Variants in MAST2 observed in about 807,000 individuals in gnomAD.
The protein encoded by MAST2 is microtubule associated serine/threonine kinase 2.
In MAST2, 70 loss-of-function variants were observed where a neutral mutation model predicts 147.4. The ratio of observed to expected loss-of-function variants is 0.47; its 90% CI spans 0.39 to 0.58. The LOEUF is 0.58. Among genes scored for constraint, MAST2 ranks in the 20% least tolerant of loss-of-function variants. MAST2 has a pLI of 0.00. For missense variants in MAST2, 2,080 were observed against 2,302.3 expected, an observed-to-expected ratio of 0.90 and a Z score of 1.98; for synonymous variants, 869 against 896.8, an observed-to-expected ratio of 0.97 and a Z score of 0.55.
intron 10 of MAST2, among the ~76,000 whole-genome samples, chr1:46,018,074 G>A (rs1415254700): frequency 1.3e-5 from 2 of 148,340 alleles, no homozygotes; most frequent in Admixed American, 6.7e-5. Flanking sequence ...TCTCGGTGGA[G>A]CACAGTGAAT....
At chr1:46,034,407 T>A in intron 28 of MAST2, 131 bp from the exon 29 acceptor site, 1 of 1,326,560 alleles carries the variant, frequency 7.5e-7, no homozygotes, top group Non-Finnish European at 1.0e-6. Context: ...GGGGAGGAAT[T>A]AATTGATGGG....
At chr1:46,022,425 A>G (rs1366017457) in intron 12 of MAST2, among the ~76,000 whole-genome samples, 1 of 152,168 alleles carries the variant, frequency 6.6e-6, no homozygotes, top group Non-Finnish European at 1.5e-5. Context: ...GCCACCTTAC[A>G]GGTCTTCCTG....
At chr1:45,989,899 G>A (rs4504835) in intron 5 of MAST2, among the ~76,000 whole-genome samples, 67,892 of 151,922 alleles carry the variant, frequency 0.45, 15,347 homozygotes, top group East Asian at 0.63. Flanking sequence ...CTGTCTTTTC[G>A]TAGGTGGATA....
chr1:45,858,414 T>G (rs1003070507), intron 3 of MAST2, among the ~76,000 whole-genome samples: 10 of 152,126 alleles, frequency 6.6e-5, no homozygotes, highest in Admixed American at 5.9e-4. Context: ...ATGTCTTCTT[T>G]TGAGAAGTGT....
At chr1:45,927,757 T>A (rs1295322209) in intron 4 of MAST2, among the ~76,000 whole-genome samples, 1 of 152,224 alleles carries the variant, frequency 6.6e-6, no homozygotes, top group Non-Finnish European at 1.5e-5. Context: ...ATTAAGAGAT[T>A]AAAGTATAAA....
intron 4 of MAST2, among the ~76,000 whole-genome samples, chr1:45,922,045 C>T (rs1653586142): frequency 6.6e-6 from 1 of 152,142 alleles, no homozygotes; most frequent in Non-Finnish European, 1.5e-5. Context: ...GTTGAGTGTT[C>T]AGCTCTCAGC....
At chr1:45,982,707 GGAGGGCTGT>G (rs1268516522) in intron 5 of MAST2, among the ~76,000 whole-genome samples, 13 of 152,132 alleles carry the variant, frequency 8.5e-5, no homozygotes, top group Non-Finnish European at 1.6e-4. Flanking sequence ...ATTGAATGTG[GGAGGGCTGT>G]GAGTACTCCC....
At position 46,010,778 on chromosome 1, in the gene MAST2, A is replaced by G. The variant is rs574608649; in HGVS notation, c.1027A>G (p.Thr343Ala). The part of the protein sequence containing the change: ...ERLAEFISSN[T>A]PDSVLPLADG... Reference sequence around the variant, plus strand: ...ACTAGCAGAGTTTATTTCCTCCAACACTCCAGACAGCGTGCTGCCCTTGGC... The same window carrying G: ...ACTAGCAGAGTTTATTTCCTCCAACGCTCCAGACAGCGTGCTGCCCTTGGC... Residue 343 changes from threonine to alanine, a missense_variant, in exon 10 of 29, where the codon ACT becomes GCT. Physicochemically the swap from Thr to Ala is moderately conservative, Grantham distance 58. This residue lies in a region of MAST2 where 569 missense variants were observed against 642.5 expected (regional missense o/e 0.89). Transcript: ENST00000361297. The G allele has an allele frequency of 3.1e-6, 5 of 1,613,906 alleles. No homozygotes were observed. Among genetic ancestry groups the G allele is most frequent in the South Asian group, 1.1e-5 (1 of 91,060 alleles).
At chr1:45,834,016 T>C (rs1645034077) in intron 3 of MAST2, among the ~76,000 whole-genome samples, 1 of 152,172 alleles carries the variant, frequency 6.6e-6, no homozygotes, top group African/African-American at 2.4e-5. Flanking sequence ...ATTTCTGCTT[T>C]GACCACCCAT....
intron 4 of MAST2, among the ~76,000 whole-genome samples, chr1:45,911,640 CT>C (rs955298367): frequency 6.6e-4 from 100 of 152,038 alleles, no homozygotes; most frequent in African/African-American, 2.3e-3. Flanking sequence ...GGAAATGCTA[CT>C]TTTCTACTTA....
At chr1:45,804,114 G>C (rs1644067847) in intron 1 of MAST2, 42 bp downstream of exon 1, 1 of 1,267,344 alleles carries the variant, frequency 7.9e-7, no homozygotes, top group Non-Finnish European at 1.0e-6. Flanking sequence ...CTGAATGGAA[G>C]CCGTGGGGGA....
chr1:45,914,438 G>A (rs1164329408), intron 4 of MAST2, among the ~76,000 whole-genome samples: 1 of 152,162 alleles, frequency 6.6e-6, no homozygotes, highest in African/African-American at 2.4e-5. Flanking sequence ...CCTCTTCAGG[G>A]TGACTTTTCC....
chr1:45,881,069 C>G (rs1308029472), intron 3 of MAST2, among the ~76,000 whole-genome samples: 1 of 151,694 alleles, frequency 6.6e-6, no homozygotes, highest in Admixed American at 6.6e-5. Context: ...ATATTTCTTA[C>G]ATGGACAGTT....
At chr1:46,021,870 A>T in intron 11 of MAST2, 80 bp from the exon 12 acceptor site, 1 of 1,389,980 alleles carries the variant, frequency 7.2e-7, no homozygotes, top group Non-Finnish European at 1.0e-6. Flanking sequence ...ATCTCAGTCT[A>T]CTATATGCTG....
intron 4 of MAST2, among the ~76,000 whole-genome samples, chr1:45,884,523 GC>G (rs1557866383): frequency 6.6e-6 from 1 of 152,136 alleles, no homozygotes; most frequent in Admixed American, 6.5e-5. Flanking sequence ...CTGCACTCCA[GC>G]CTGGGCGACA....
In MAST2 at chr1:46,006,477, A is replaced by G. The variant is rs1425031193; in HGVS notation, c.902+82A>G. ...AACACAGAGGTGGGCACACTATGCT[A>G]TAAGGGGCCAAGATAGTAAATATTT... On this transcript the variant is annotated intron_variant, in intron 8 of 28. Coordinates refer to ENST00000361297, the MANE Select transcript of MAST2 (RefSeq NM_015112.3). 2.1e-6 allele frequency: 3 copies of G among 1,412,134 alleles called. No homozygotes were observed. In the East Asian group the frequency reaches 7.0e-5, roughly 33 times the overall value. 87.5% of individuals were successfully genotyped at this position (1,412,134 alleles called of 1,614,324 possible). A position where few individuals can be genotyped will look rare whatever the true frequency, so the allele number is the denominator to read the frequency against.
At chr1:45,954,898 C>T (rs769171464) in intron 4 of MAST2, among the ~76,000 whole-genome samples, 7 of 152,240 alleles carry the variant, frequency 4.6e-5, no homozygotes, top group Middle Eastern at 3.4e-3. Flanking sequence ...ATTAATTATC[C>T]GTCCCTGAAG....
intron 10 of MAST2, among the ~76,000 whole-genome samples, chr1:46,014,379 T>A (rs1158855975): frequency 7.5e-6 from 1 of 133,606 alleles, no homozygotes; most frequent in Non-Finnish European, 1.5e-5. Context: ...CCTGTGTCCA[T>A]GTGTCCTCAT....
chr1:45,985,223 C>T lies in MAST2; in HGVS notation c.593-12501C>T, dbSNP rs546695465. Among the ~76,000 whole-genome samples the T allele has an allele frequency of 6.6e-5, 10 of 151,718 alleles. No individual in the cohort carries two copies. The South Asian group carries it at 2.1e-3, about 32-fold the overall frequency. On this transcript the variant is annotated intron_variant, in intron 5 of 28. Coordinates refer to ENST00000361297, the MANE Select transcript of MAST2 (RefSeq NM_015112.3). ...TCCTGAGAAGCTGGGATTACAGGCTCCTGCCACTACATCCTGCTAATTTTT... is the reference window on the plus strand; with the variant it reads ...TCCTGAGAAGCTGGGATTACAGGCTTCTGCCACTACATCCTGCTAATTTTT...
Sources: allele counts gnomAD v4.1 joint callset (sites outside exome capture counted in the v4.1 genomes callset), GRCh38; gene constraint gnomAD v4.1.1; regional missense constraint gnomAD v4.1.1; transcripts MANE v1.5; gene names NCBI Gene and HGNC (gene_info 2026-07-23, HGNC 2026-07-21).